The following PRELID2 variants were observed in gnomAD, a reference collection of about 807,000 sequenced individuals.
PRELID2 encodes the protein PRELI domain-containing protein 2.
Under a neutral mutation model 28.4 loss-of-function variants are expected in PRELID2, and 25 were observed. That is an observed-to-expected ratio of 0.88 (90% CI 0.64 to 1.23). The LOEUF (loss-of-function observed/expected upper bound fraction) is 1.23, where lower values mean the gene tolerates loss of function less well. Ranked by LOEUF, PRELID2 falls within the 50% of genes most tolerant of loss-of-function variation. The probability of loss-of-function intolerance (pLI) is 0.00; values close to 1 mark genes in which losing one functional copy is unlikely to be tolerated. For missense variants in PRELID2, 201 were observed against 214.4 expected (o/e 0.94, Z 0.39); for synonymous variants, 76 against 71.6 (o/e 1.06, Z -0.31).
At chr5:145,653,027 A>G (rs572277635) in intron 1 of PRELID2, among the ~76,000 whole-genome samples, 1 of 152,358 alleles carries the variant, frequency 6.6e-6, no homozygotes, top group East Asian at 1.9e-4. Flanking sequence ...AGAGACACAC[A>G]TAGGCTCAAA....
chr5:145,369,415 T>C, the PRELID2 span, among the ~76,000 whole-genome samples: 2 of 152,068 alleles, frequency 1.3e-5, no homozygotes, highest in South Asian at 4.1e-4. Flanking sequence ...AATGATGGCT[T>C]CCAACTTCAT....
intron 1 of PRELID2, among the ~76,000 whole-genome samples, chr5:145,582,105 T>G (rs553899102): frequency 6.6e-6 from 1 of 152,158 alleles, no homozygotes; most frequent in South Asian, 2.1e-4. Context: ...ACACAGTCTC[T>G]GGGGTCACAA....
intron 1 of PRELID2, among the ~76,000 whole-genome samples, chr5:145,631,564 C>T (rs567223251): frequency 1.3e-5 from 2 of 152,258 alleles, no homozygotes; most frequent in African/African-American, 4.8e-5. Flanking sequence ...TTGTCTGCCC[C>T]TATTGAAATG....
intron 1 of PRELID2, among the ~76,000 whole-genome samples, chr5:145,508,078 A>C (rs1360303954): frequency 6.6e-6 from 1 of 152,188 alleles, no homozygotes; most frequent in Non-Finnish European, 1.5e-5. Context: ...TAGTAGTTTA[A>C]TAATGCTTTT....
At chr5:145,444,417 G>A in the PRELID2 span, among the ~76,000 whole-genome samples, 17 of 152,106 alleles carry the variant, frequency 1.1e-4, no homozygotes, top group East Asian at 2.1e-3. Flanking sequence ...TGCTCTGTGT[G>A]ATACTAATTA....
chr5:145,493,751 C>T (rs890787285), intron 1 of PRELID2, among the ~76,000 whole-genome samples: 4 of 152,156 alleles, frequency 2.6e-5, no homozygotes, highest in African/African-American at 2.4e-5. Flanking sequence ...CAGACAAAAT[C>T]GTTATTCCTT....
chr5:145,273,476 A>T, the PRELID2 span, among the ~76,000 whole-genome samples: 1 of 152,066 alleles, frequency 6.6e-6, no homozygotes, highest in African/African-American at 2.4e-5. Context: ...GATGGTGATG[A>T]TGGGGATGCA....
chr5:145,647,562 T>A (rs918959039), intron 1 of PRELID2, among the ~76,000 whole-genome samples: 1 of 152,134 alleles, frequency 6.6e-6, no homozygotes, highest in East Asian at 1.9e-4. Context: ...CAGGTGCCAC[T>A]GGCATATGGA....
At chr5:145,741,529 T>A (rs1311580685) in intron 1 of PRELID2, among the ~76,000 whole-genome samples, 5 of 123,596 alleles carry the variant, frequency 4.0e-5, no homozygotes, top group Non-Finnish European at 7.8e-5. Context: ...TTTATTTATA[T>A]ATAAAATTTA....
chr5:145,628,385 G>C lies in PRELID2; in HGVS notation n.70+136546C>G, dbSNP rs147901073. The stretch of plus-strand genomic sequence containing the variant: ...GTCATCCAGGCTGGAGTGCAGTGGC[G>C]CCATCTCAGTTCACTGCAACCTCCA... On this transcript the variant is annotated intron_variant and non_coding_transcript_variant, in intron 1 of 2. Coordinates refer to the PRELID2 transcript ENST00000510259. 8.3e-3 allele frequency among the ~76,000 whole-genome samples: 1,255 copies of C among 152,096 alleles called. 26 individuals are homozygous for C. Among genetic ancestry groups the C allele is most frequent in the African/African-American group, 0.029 (1,203 of 41,484 alleles).
chr5:145,454,707 G>C, the PRELID2 span, among the ~76,000 whole-genome samples: 1 of 151,900 alleles, frequency 6.6e-6, no homozygotes, highest in African/African-American at 2.4e-5. Flanking sequence ...AAAATACCTA[G>C]GATTTGCATT....
rs1300852286 is a variant in PRELID2, at chr5:145,625,573, T to G, written n.70+139358A>C. On this transcript the variant is annotated intron_variant and non_coding_transcript_variant, in intron 1 of 2. Coordinates refer to the PRELID2 transcript ENST00000510259. The stretch of plus-strand genomic sequence containing the variant: ...ATTCCAATAAAAATCCAACATCTTT[T>G]GTTTCTCTAATCAGAATTATTGGAA... Among the ~76,000 whole-genome samples, 4 of 152,190 alleles carry G rather than the reference T, an allele frequency of 2.6e-5. No individual in the cohort carries two copies. The East Asian group carries it at 7.7e-4, about 29-fold the overall frequency.
chr5:145,534,234 G>A (rs983546843), intron 1 of PRELID2, among the ~76,000 whole-genome samples: 1 of 151,888 alleles, frequency 6.6e-6, no homozygotes, highest in African/African-American at 2.4e-5. Context: ...GAACAGGCAA[G>A]CATTTTTTAT....
chr5:145,695,499 T>G (rs993407647), intron 1 of PRELID2, among the ~76,000 whole-genome samples: 10 of 152,226 alleles, frequency 6.6e-5, no homozygotes, highest in South Asian at 2.1e-4. Context: ...TTGGTCAATT[T>G]CCAGTGCCAC....
chr5:145,448,941 C>T, the PRELID2 span, among the ~76,000 whole-genome samples: 1 of 152,076 alleles, frequency 6.6e-6, no homozygotes, highest in Non-Finnish European at 1.5e-5. Flanking sequence ...AGAAAACAAA[C>T]TCAAACTCAC....
At chr5:145,636,786 T>C (rs1183033893) in intron 1 of PRELID2, among the ~76,000 whole-genome samples, 1 of 152,214 alleles carries the variant, frequency 6.6e-6, no homozygotes, top group Non-Finnish European at 1.5e-5. Flanking sequence ...TTCCAAACTT[T>C]GAAGACGTGC....
chr5:145,328,095 C>G, the PRELID2 span, among the ~76,000 whole-genome samples: 1 of 152,260 alleles, frequency 6.6e-6, no homozygotes, highest in African/African-American at 2.4e-5. Context: ...TCATCCATGT[C>G]CCTGCAGAGG....
chr5:145,589,608 C>T (rs1753200980), intron 1 of PRELID2, among the ~76,000 whole-genome samples: 1 of 151,696 alleles, frequency 6.6e-6, no homozygotes, highest in Non-Finnish European at 1.5e-5. Context: ...TGTGAATTAC[C>T]CATTTATGTC....
chr5:145,520,161 A>G (rs749792959), intron 1 of PRELID2, among the ~76,000 whole-genome samples: 4 of 152,154 alleles, frequency 2.6e-5, no homozygotes, highest in Non-Finnish European at 4.4e-5. Flanking sequence ...CTAAACCAAG[A>G]CTATGTTATT....
Sources: gnomAD v4.1 joint callset for allele counts (sites outside exome capture counted in the v4.1 genomes callset) on GRCh38, gnomAD v4.1.1 for gene constraint, MANE v1.5 for transcripts, NCBI Gene and HGNC (gene_info 2026-07-23, HGNC 2026-07-21) for gene names.